MYO5A: variants seen among roughly 807,000 people sequenced by gnomAD.
MYO5A encodes the protein myosin VA, also known as unconventional myosin-Va.
MYO5A carries 98 observed loss-of-function variants against 249.7 expected under a neutral mutation model. The ratio of observed to expected loss-of-function variants is 0.39; its 90% CI spans 0.33 to 0.46. The LOEUF is 0.46. Ranked by LOEUF, MYO5A falls within the 20% of genes least tolerant of loss-of-function variation. The pLI is 0.98. For missense variants in MYO5A, 1,696 were observed against 2,308.8 expected (o/e 0.73, Z 5.44); for synonymous variants, 778 against 810.6 (o/e 0.96, Z 0.68).
intron 27 of MYO5A, among the ~76,000 whole-genome samples, chr15:52,353,142 A>G (rs1347570291): frequency 6.6e-6 from 1 of 152,226 alleles, no homozygotes; most frequent in Non-Finnish European, 1.5e-5. Context: ...ACAAGCTACC[A>G]GGTGACATTG....
chr15:52,472,492 CCATTAACTTGT>C (rs1244903377), intron 1 of MYO5A, among the ~76,000 whole-genome samples: 1 of 151,890 alleles, frequency 6.6e-6, no homozygotes. Flanking sequence ...TGTGCTGCAC[CCATTAACTTGT>C]CATTTACATT....
At position 52,330,505 on chromosome 15, in the gene MYO5A, T is replaced by C; in HGVS notation, c.4409-6A>G. 6.2e-7 allele frequency: 1 copy of C among 1,613,984 alleles called. No individual in the cohort carries two copies. The highest frequency in any genetic ancestry group is 8.5e-7 in the Non-Finnish European group (1 of 1,179,898). The stretch of plus-strand genomic sequence containing the variant: ...TATGTTCTCCATCTGGCCCACTTTA[T>C]GAGAAGTAAGAAAGGAGGAGAAAAT... On this transcript the variant is annotated splice_polypyrimidine_tract_variant and splice_region_variant and intron_variant, in intron 34 of 41. Coordinates refer to ENST00000399233, the MANE Select transcript of MYO5A (RefSeq NM_001382347.1).
At chr15:52,491,809 C>G (rs2076941402) in intron 1 of MYO5A, among the ~76,000 whole-genome samples, 1 of 152,094 alleles carries the variant, frequency 6.6e-6, no homozygotes, top group African/African-American at 2.4e-5. Context: ...TACAAAGCAA[C>G]ACATTGAACT....
Position 52,376,391 on chromosome 15 carries a change from T to C in MYO5A, c.2376A>G (p.Ala792=). Residue 792 remains alanine, a synonymous_variant, in exon 19 of 42, where the codon GCA becomes GCG. Coordinates refer to ENST00000399233, the MANE Select transcript of MYO5A (RefSeq NM_001382347.1). ...LRKKYLRMRK[A]AITMQRYVRG... is the part of the protein sequence containing the mutation. ...GCACGTATCTCTGCATGGTGATGGC[T>C]GCCTTCCGCATGCGTAGGTACTTCT... is the stretch of plus-strand genomic sequence containing the variant. The C allele has an allele frequency of 6.2e-7, 1 of 1,614,182 alleles. No individual in the cohort carries two copies. Among genetic ancestry groups the C allele is most frequent in the Non-Finnish European group, 8.5e-7 (1 of 1,180,028 alleles).
chr15:52,326,567 G>C (rs1454918572), intron 36 of MYO5A, among the ~76,000 whole-genome samples: 1 of 152,188 alleles, frequency 6.6e-6, no homozygotes, highest in Non-Finnish European at 1.5e-5. Context: ...GGAATGGGGA[G>C]TTAGTGTTTA....
chr15:52,370,048 T>G lies in MYO5A; in HGVS notation c.3066+121A>C, dbSNP rs140333001. The G allele has an allele frequency of 4.4e-4, 575 of 1,313,274 alleles. 5 individuals are homozygous for G. The East Asian group carries it at 0.012, about 28-fold the overall frequency. The allele number at this position is 1,313,274 out of a possible 1,614,324, so 81.4% of individuals were successfully genotyped here. A position where few individuals can be genotyped will look rare whatever the true frequency, so the allele number is the denominator to read the frequency against. The stretch of plus-strand genomic sequence containing the variant: ...GGGAAACAGTAATAATGAACAGTAA[T>G]TCAACTAAAATTTGTACTGCATTTC... On this transcript the variant is annotated intron_variant, in intron 22 of 41. Coordinates refer to ENST00000399233, the MANE Select transcript of MYO5A (RefSeq NM_001382347.1).
chr15:52,361,574 C>T (rs527983930), intron 24 of MYO5A, among the ~76,000 whole-genome samples: 1 of 151,932 alleles, frequency 6.6e-6, no homozygotes, highest in South Asian at 2.1e-4. Flanking sequence ...TTTTCATCAT[C>T]AGGAAAAAAA....
intron 18 of MYO5A, 62 bp downstream of exon 18, chr15:52,379,563 C>A: frequency 6.8e-7 from 1 of 1,467,894 alleles, no homozygotes; most frequent in Non-Finnish European, 9.5e-7. Context: ...GTTCCCGGGG[C>A]TTTCCAAGGT....
chr15:52,417,456 A>G (rs1415755723), intron 4 of MYO5A, among the ~76,000 whole-genome samples: 1 of 152,270 alleles, frequency 6.6e-6, no homozygotes, highest in Admixed American at 6.5e-5. Context: ...TCATCACTAG[A>G]GAAGAAATAG....
intron 5 of MYO5A, among the ~76,000 whole-genome samples, chr15:52,413,673 T>G (rs188976599): frequency 6.6e-6 from 1 of 152,292 alleles, no homozygotes. Context: ...ATTTTACCTA[T>G]GTTTTCTTCC....
intron 1 of MYO5A, among the ~76,000 whole-genome samples, chr15:52,468,239 C>T (rs1480608091): frequency 6.6e-6 from 1 of 152,080 alleles, no homozygotes; most frequent in Non-Finnish European, 1.5e-5. Flanking sequence ...AAGGCAGAGG[C>T]TGCAGTGAGC....
intron 39 of MYO5A, among the ~76,000 whole-genome samples, chr15:52,318,705 C>G (rs1169121923): frequency 6.6e-6 from 1 of 152,210 alleles, no homozygotes; most frequent in South Asian, 2.1e-4. Context: ...TTAATAATTT[C>G]TTATTGTATA....
At chr15:52,447,285 C>T (rs1266797545) in intron 1 of MYO5A, among the ~76,000 whole-genome samples, 1 of 152,078 alleles carries the variant, frequency 6.6e-6, no homozygotes, top group African/African-American at 2.4e-5. Flanking sequence ...CTCGCTCTCT[C>T]TCTTGCTTTC....
At chr15:52,501,177 T>C (rs1443311961) in intron 1 of MYO5A, among the ~76,000 whole-genome samples, 2 of 152,080 alleles carry the variant, frequency 1.3e-5, no homozygotes, top group Non-Finnish European at 2.9e-5. Context: ...TTTACCTTGT[T>C]AGCCAGGATG....
chr15:52,394,938 C>T (rs2141177849), intron 11 of MYO5A, among the ~76,000 whole-genome samples: 1 of 152,214 alleles, frequency 6.6e-6, no homozygotes, highest in African/African-American at 2.4e-5. Context: ...TAGTCATAAG[C>T]CTAAAGTTTT....
At chr15:52,527,039 CACA>C (rs2077741743) in intron 1 of MYO5A, among the ~76,000 whole-genome samples, 1 of 151,794 alleles carries the variant, frequency 6.6e-6, no homozygotes, top group Admixed American at 6.6e-5. Flanking sequence ...GCAAAAAAAA[CACA>C]ACAACCCATG....
intron 18 of MYO5A, among the ~76,000 whole-genome samples, chr15:52,377,110 A>G (rs1029729151): frequency 6.6e-6 from 1 of 152,098 alleles, no homozygotes; most frequent in Non-Finnish European, 1.5e-5. Flanking sequence ...AACTAACAAA[A>G]CCCCATAAAT....
At chr15:52,391,147 A>G (rs1179515196) in intron 12 of MYO5A, among the ~76,000 whole-genome samples, 1 of 152,228 alleles carries the variant, frequency 6.6e-6, no homozygotes, top group Non-Finnish European at 1.5e-5. Context: ...CCTATAAAGT[A>G]TGTTGAATGA....
chr15:52,477,418 G>A (rs567666157), intron 1 of MYO5A, among the ~76,000 whole-genome samples: 76 of 152,238 alleles, frequency 5.0e-4, no homozygotes, highest in African/African-American at 1.7e-3. Flanking sequence ...GTCATTCTCC[G>A]TCCACCTTTG....
Sources: allele counts gnomAD v4.1 joint callset (sites outside exome capture counted in the v4.1 genomes callset), GRCh38; gene constraint gnomAD v4.1.1; transcripts MANE v1.5; gene names NCBI Gene and HGNC (gene_info 2026-07-23, HGNC 2026-07-21).